Variants in HLCS observed in about 807,000 individuals in gnomAD.
HLCS encodes the protein biotin--protein ligase.
A neutral mutation model predicts 75.0 loss-of-function variants in HLCS; 53 were observed. That is an observed-to-expected ratio of 0.71 (90% CI 0.57 to 0.89). The LOEUF is 0.89. Ranked by LOEUF, HLCS falls within the 40% of genes least tolerant of loss-of-function variation. HLCS has a pLI of 0.00. For synonymous variants in HLCS, 431 were observed against 428.6 expected (o/e 1.01, Z -0.07); for missense variants, 966 against 1,074.0 (o/e 0.90, Z 1.41).
intron 6 of HLCS, among the ~76,000 whole-genome samples, chr21:36,816,258 A>G (rs570690739): frequency 9.2e-5 from 14 of 152,182 alleles, no homozygotes; most frequent in African/African-American, 3.4e-4. Flanking sequence ...GCCAGGCCAG[A>G]CATGGTGCAT....
intron 6 of HLCS, among the ~76,000 whole-genome samples, chr21:36,871,690 T>C (rs1334140210): frequency 6.6e-6 from 1 of 152,116 alleles, no homozygotes; most frequent in Non-Finnish European, 1.5e-5. Flanking sequence ...ACCCACCACC[T>C]AGACAAGTCA....
At chr21:36,777,231 C>CT (rs1245082140) in intron 6 of HLCS, among the ~76,000 whole-genome samples, 1 of 152,218 alleles carries the variant, frequency 6.6e-6, no homozygotes, top group Non-Finnish European at 1.5e-5. Flanking sequence ...TTCCCCTGTG[C>CT]TTCACTTATT....
intron 1 of HLCS, among the ~76,000 whole-genome samples, chr21:36,966,220 G>A (rs1210669713): frequency 1.3e-5 from 2 of 152,302 alleles, no homozygotes; most frequent in Non-Finnish European, 1.5e-5. Flanking sequence ...GTCCAGCACC[G>A]CCCGGCTGGC....
intron 1 of HLCS, among the ~76,000 whole-genome samples, chr21:36,983,939 G>A (rs1000804930): frequency 1.6e-4 from 25 of 151,792 alleles, no homozygotes; most frequent in African/African-American, 5.6e-4. Flanking sequence ...GTGCTTAACT[G>A]ACCCTCCTGC....
intron 1 of HLCS, among the ~76,000 whole-genome samples, chr21:36,984,758 T>C (rs554055188): frequency 6.6e-6 from 1 of 152,292 alleles, no homozygotes; most frequent in Non-Finnish European, 1.5e-5. Context: ...CACTTCCCAA[T>C]ATACCCATGT....
chr21:36,974,648 A>C (rs2068888315), intron 1 of HLCS: 1 of 152,226 alleles, frequency 6.6e-6, no homozygotes, highest in Non-Finnish European at 1.5e-5. Context: ...CATTAAGGTG[A>C]AATGAGGTCA....
intron 6 of HLCS, among the ~76,000 whole-genome samples, chr21:36,874,421 A>G: frequency 6.6e-6 from 1 of 151,936 alleles, no homozygotes; most frequent in Non-Finnish European, 1.5e-5. Context: ...AAATAAAATA[A>G]AATAAAATAA....
chr21:36,894,786 G>A (rs546819724), intron 6 of HLCS, among the ~76,000 whole-genome samples: 2 of 151,708 alleles, frequency 1.3e-5, no homozygotes, highest in South Asian at 2.1e-4. Flanking sequence ...TCTAGTGTTG[G>A]CAAGCTCAGC....
At chr21:36,902,119 G>C (rs1301317742) in intron 5 of HLCS, among the ~76,000 whole-genome samples, 17 of 152,136 alleles carry the variant, frequency 1.1e-4, no homozygotes, top group Admixed American at 1.0e-3. Flanking sequence ...TTTGAGAGGC[G>C]TGATGGAGGC....
upstream of HLCS, among the ~76,000 whole-genome samples, chr21:36,970,231 AG>A (rs1952409678): frequency 6.6e-6 from 1 of 152,114 alleles, no homozygotes; most frequent in Non-Finnish European, 1.5e-5. Flanking sequence ...TGAGAAGGAT[AG>A]CTTGTTTTGT....
intron 6 of HLCS, among the ~76,000 whole-genome samples, chr21:36,793,805 C>G (rs1162501301): frequency 4.6e-5 from 7 of 152,212 alleles, no homozygotes; most frequent in Non-Finnish European, 2.9e-5. Flanking sequence ...CATAAATGGT[C>G]AGGCATGTGG....
At chr21:36,810,843 G>C (rs530476887) in intron 6 of HLCS, among the ~76,000 whole-genome samples, 1 of 152,296 alleles carries the variant, frequency 6.6e-6, no homozygotes, top group African/African-American at 2.4e-5. Flanking sequence ...TATTATGCCA[G>C]AGAGTGAGGA....
chr21:36,826,941 G>C (rs1018085285), intron 6 of HLCS, among the ~76,000 whole-genome samples: 1 of 152,182 alleles, frequency 6.6e-6, no homozygotes, highest in Admixed American at 6.5e-5. Context: ...AACATGGTCT[G>C]AGCCTGATTA....
At chr21:36,801,292 G>T (rs2061192895) in intron 6 of HLCS, among the ~76,000 whole-genome samples, 1 of 152,126 alleles carries the variant, frequency 6.6e-6, no homozygotes, top group Non-Finnish European at 1.5e-5. Context: ...GCTAGAAATT[G>T]ATTTTAGTAG....
rs149202570 is a variant in HLCS at position 36,798,252 on chromosome 21, C to T, written c.1893-30967G>A. On this transcript the variant is annotated intron_variant, in intron 6 of 10. Transcript: ENST00000674895. ...TTTGGGGGAGGAAGGGAGGCAATCA[C>T]ACAGGGCTTCCAGGGAGGTGAGGAC... Among the ~76,000 whole-genome samples, 9 of 152,284 alleles carry T rather than the reference C, an allele frequency of 5.9e-5. No individual in the cohort carries two copies. In the East Asian group the frequency reaches 1.4e-3, roughly 23 times the overall value.
At chr21:36,915,725 C>T (rs754997860) in intron 5 of HLCS, among the ~76,000 whole-genome samples, 3 of 150,628 alleles carry the variant, frequency 2.0e-5, no homozygotes, top group Non-Finnish European at 4.4e-5. Flanking sequence ...CAGTTTCCTC[C>T]GGCATGCCCA....
At position 36,912,261 on chromosome 21, in the gene HLCS, A is replaced by AATGTGGC. The variant is rs1206599040; in HGVS notation, c.1621-15137_1621-15131dup. Among the ~76,000 whole-genome samples, 17 of 152,194 alleles carry AATGTGGC rather than the reference A, an allele frequency of 1.1e-4. No homozygotes were observed. In the East Asian group the frequency reaches 1.2e-3, roughly 10 times the overall value. ...CCTCAATAGACAAATGGATAAACAA[A>AATGTGGC]ATGTGGCATATACAATTAAGGGGAT... is the stretch of plus-strand genomic sequence containing the variant. On this transcript the variant is annotated intron_variant, in intron 5 of 10. Transcript: ENST00000674895.
chr21:36,770,038 AT>A (rs1488357452), intron 6 of HLCS, among the ~76,000 whole-genome samples: 2 of 152,154 alleles, frequency 1.3e-5, no homozygotes, highest in Non-Finnish European at 2.9e-5. Flanking sequence ...CAATGGAATA[AT>A]TTGTAATCAA....
chr21:36,821,796 T>G (rs553707960), intron 6 of HLCS, among the ~76,000 whole-genome samples: 48 of 152,282 alleles, frequency 3.2e-4, no homozygotes, highest in African/African-American at 1.1e-3. Flanking sequence ...ACTGACAAGT[T>G]TGAAGATGCA....
Sources: gnomAD v4.1 joint callset for allele counts (sites outside exome capture counted in the v4.1 genomes callset) on GRCh38, gnomAD v4.1.1 for gene constraint, MANE v1.5 for transcripts, NCBI Gene and HGNC (gene_info 2026-07-23, HGNC 2026-07-21) for gene names.